DGKB: variants seen among roughly 807,000 people sequenced by gnomAD.
DGKB encodes 90 kDa diacylglycerol kinase.
Under a neutral mutation model 114.3 loss-of-function variants are expected in DGKB, and 67 were observed. The ratio of observed to expected loss-of-function variants is 0.59; its 90% CI spans 0.48 to 0.72. The LOEUF is 0.72. DGKB is among the 30% of genes least tolerant of loss of function. DGKB has a pLI of 0.00. For missense variants in DGKB, 907 were observed against 975.2 expected (o/e 0.93, Z 0.93); for synonymous variants, 398 against 323.1 (o/e 1.23, Z -2.49).
At chr7:14,799,945 C>G (rs990688767) in intron 2 of DGKB, among the ~76,000 whole-genome samples, 3 of 151,656 alleles carry the variant, frequency 2.0e-5, no homozygotes, top group African/African-American at 7.3e-5. Flanking sequence ...TTGACAGAGT[C>G]TCACTCTGTT....
chr7:14,883,984 T>C (rs1372370614), intron 1 of DGKB, among the ~76,000 whole-genome samples: 5 of 152,100 alleles, frequency 3.3e-5, no homozygotes, highest in African/African-American at 4.8e-5. Context: ...AATGTCATTA[T>C]AGAAAACAAA....
At chr7:14,787,276 A>C (rs1254337632) in intron 2 of DGKB, among the ~76,000 whole-genome samples, 1 of 152,204 alleles carries the variant, frequency 6.6e-6, no homozygotes, top group Admixed American at 6.5e-5. Flanking sequence ...CAATTTATTA[A>C]AAATTAATTA....
chr7:14,198,268 A>C (rs79832919), intron 23 of DGKB, among the ~76,000 whole-genome samples: 11,374 of 152,114 alleles, frequency 0.075, 575 homozygotes, highest in Non-Finnish European at 0.1. Context: ...GAGAAGAAAA[A>C]ATTTCATTAG....
At chr7:14,431,017 C>A (rs1303460209) in intron 21 of DGKB, among the ~76,000 whole-genome samples, 2 of 152,082 alleles carry the variant, frequency 1.3e-5, no homozygotes, top group African/African-American at 4.8e-5. Flanking sequence ...TGTTTTCTTG[C>A]CTTCTTGTTT....
intron 6 of DGKB, among the ~76,000 whole-genome samples, chr7:14,709,587 C>T (rs1208753862): frequency 1.5e-5 from 2 of 137,574 alleles, no homozygotes; most frequent in Non-Finnish European, 3.1e-5. Flanking sequence ...CAATGATAGA[C>T]TGGATTAAGA....
chr7:14,922,082 T>C (rs1008368428), intron 1 of DGKB, among the ~76,000 whole-genome samples: 1 of 152,108 alleles, frequency 6.6e-6, no homozygotes, highest in Non-Finnish European at 1.5e-5. Context: ...CTTTCCTTAA[T>C]GTTATGCAAC....
At chr7:14,149,629 C>G (rs558605766) in intron 25 of DGKB, among the ~76,000 whole-genome samples, 4 of 152,118 alleles carry the variant, frequency 2.6e-5, no homozygotes, top group African/African-American at 9.6e-5. Context: ...TTATAGTTTC[C>G]AGAGTCCTAG....
chr7:14,210,072 T>TG (rs1339853899), intron 23 of DGKB, among the ~76,000 whole-genome samples: 1 of 151,990 alleles, frequency 6.6e-6, no homozygotes, highest in African/African-American at 2.4e-5. Context: ...ACATCTGTGT[T>TG]GGGGGGATTG....
intron 1 of DGKB, among the ~76,000 whole-genome samples, chr7:14,868,925 A>G (rs879530579): frequency 6.6e-6 from 1 of 152,190 alleles, no homozygotes; most frequent in Non-Finnish European, 1.5e-5. Context: ...TAAATTCCTC[A>G]GGGAAGATCA....
intron 20 of DGKB, among the ~76,000 whole-genome samples, chr7:14,536,662 GA>G (rs1245100059): frequency 1.9e-4 from 29 of 152,114 alleles, no homozygotes; most frequent in African/African-American, 6.0e-4. Flanking sequence ...ATTAGATATA[GA>G]AGGAAGCTGT....
intron 1 of DGKB, among the ~76,000 whole-genome samples, chr7:14,931,597 C>T (rs1445526821): frequency 1.3e-5 from 2 of 152,030 alleles, no homozygotes; most frequent in African/African-American, 2.4e-5. Context: ...TCTTGGAATG[C>T]GGAGGGTGGA....
At chr7:14,444,218 T>A (rs1464059266) in intron 21 of DGKB, among the ~76,000 whole-genome samples, 1 of 151,896 alleles carries the variant, frequency 6.6e-6, no homozygotes, top group Non-Finnish European at 1.5e-5. Flanking sequence ...ACATTTTTAT[T>A]TTCCTTCCCT....
chr7:14,522,161 T>C (rs1258337890), intron 20 of DGKB, among the ~76,000 whole-genome samples: 1 of 152,186 alleles, frequency 6.6e-6, no homozygotes, highest in Non-Finnish European at 1.5e-5. Flanking sequence ...GATAGATATA[T>C]ATGTGGCCTA....
intron 2 of DGKB, among the ~76,000 whole-genome samples, chr7:14,837,729 T>C (rs1260844005): frequency 6.6e-6 from 1 of 152,278 alleles, no homozygotes; most frequent in African/African-American, 2.4e-5. Flanking sequence ...AAACTGATCA[T>C]GCATATTGAA....
intron 14 of DGKB, among the ~76,000 whole-genome samples, chr7:14,628,325 G>GTGTGTGTGTGTGTGTGTGT (rs111355946): frequency 6.9e-6 from 1 of 144,822 alleles, no homozygotes; most frequent in Non-Finnish European, 1.5e-5. Flanking sequence ...GTGTGTGTGT[G>GTGTGTGTGTGTGTGTGTGT]GTGTGTATGA....
At chr7:14,219,855 T>G (rs376178112) in intron 23 of DGKB, among the ~76,000 whole-genome samples, 10 of 151,744 alleles carry the variant, frequency 6.6e-5, no homozygotes, top group African/African-American at 2.2e-4. Context: ...CTGAATCAAG[T>G]TTATGAAGAT....
chr7:14,517,535 T>C (rs569969124), intron 20 of DGKB, among the ~76,000 whole-genome samples: 29 of 151,946 alleles, frequency 1.9e-4, no homozygotes, highest in East Asian at 3.9e-4. Flanking sequence ...AACCTACAGA[T>C]TGGAAAAAGC....
At chr7:14,219,086 G>A (rs766343013) in intron 23 of DGKB, among the ~76,000 whole-genome samples, 1 of 151,894 alleles carries the variant, frequency 6.6e-6, no homozygotes, top group East Asian at 1.9e-4. Flanking sequence ...CCATGTTCTA[G>A]TTTGCATCAG....
intron 24 of DGKB, among the ~76,000 whole-genome samples, chr7:14,177,349 G>A (rs1781914233): frequency 6.6e-6 from 1 of 151,978 alleles, no homozygotes. Context: ...GAGGTCAGTA[G>A]TTTGAAACCA....
Sources: gnomAD v4.1 joint callset for allele counts (sites outside exome capture counted in the v4.1 genomes callset) on GRCh38, gnomAD v4.1.1 for gene constraint, MANE v1.5 for transcripts, NCBI Gene and HGNC (gene_info 2026-07-23, HGNC 2026-07-21) for gene names.